PDE4B: variants seen among roughly 807,000 people sequenced by gnomAD.
PDE4B encodes 3',5'-cyclic-AMP phosphodiesterase 4B.
In PDE4B, 20 loss-of-function variants were observed where a neutral mutation model predicts 82.2. That is an observed-to-expected ratio of 0.24 (90% CI 0.17 to 0.35). The LOEUF (loss-of-function observed/expected upper bound fraction) is 0.35. Among genes scored for constraint, PDE4B ranks in the 10% least tolerant of loss-of-function variants. The pLI, the probability that PDE4B is intolerant of heterozygous loss-of-function variation, is 1.00. For synonymous variants in PDE4B, 320 were observed against 318.9 expected (o/e 1.00, Z -0.04); for missense variants, 655 against 907.2 (o/e 0.72, Z 3.57).
chr1:65,906,180 C>T (rs1387904288), intron 1 of PDE4B, among the ~76,000 whole-genome samples: 1 of 152,032 alleles, frequency 6.6e-6, no homozygotes, highest in African/African-American at 2.4e-5. Context: ...TGAGCAGATG[C>T]CCAGCAAATA....
chr1:65,883,540 T>C (rs1244498760), intron 1 of PDE4B, among the ~76,000 whole-genome samples: 8 of 152,270 alleles, frequency 5.3e-5, no homozygotes, highest in Middle Eastern at 3.4e-3. Flanking sequence ...TGCTTATCAA[T>C]TTAAGGAGAT....
intron 7 of PDE4B, among the ~76,000 whole-genome samples, chr1:66,310,759 T>C (rs1658611139): frequency 6.6e-6 from 1 of 152,056 alleles, no homozygotes; most frequent in Non-Finnish European, 1.5e-5. Flanking sequence ...TGGCTAAGAG[T>C]ATAAGACCTG....
At chr1:65,955,243 G>C (rs111603572) in intron 3 of PDE4B, among the ~76,000 whole-genome samples, 1 of 152,010 alleles carries the variant, frequency 6.6e-6, no homozygotes, top group African/African-American at 2.4e-5. Context: ...GCACAGTCCC[G>C]TAAACCTTCA....
rs1416191700 is a variant in PDE4B, at chr1:66,371,473, G to T, written c.1846-840G>T. 4.6e-5 allele frequency among the ~76,000 whole-genome samples: 7 copies of T among 152,130 alleles called. No individual in the cohort carries two copies. In the East Asian group the frequency reaches 1.3e-3, roughly 29 times the overall value. ...AAGGCCACACTGCTAGCTCATGCAG[G>T]ATGCATAGCCCCTGAGTAAACCATA... On this transcript the variant is annotated intron_variant, in intron 16 of 16. Transcript: ENST00000341517.
At chr1:66,349,079 T>C (rs1013705424) in intron 8 of PDE4B, among the ~76,000 whole-genome samples, 91 of 152,130 alleles carry the variant, frequency 6.0e-4, no homozygotes, top group African/African-American at 2.2e-3. Context: ...GGAAGAAATA[T>C]GTAATAATTT....
chr1:66,233,585 C>G (rs770377473), intron 3 of PDE4B, among the ~76,000 whole-genome samples: 8 of 152,124 alleles, frequency 5.3e-5, no homozygotes, highest in Non-Finnish European at 1.0e-4. Context: ...AACAGGCATT[C>G]GTACCTGGTT....
At chr1:66,202,791 C>CTCTT (rs1466520061) in intron 3 of PDE4B, among the ~76,000 whole-genome samples, 1 of 152,108 alleles carries the variant, frequency 6.6e-6, no homozygotes, top group East Asian at 1.9e-4. Context: ...TGGGTCTTGA[C>CTCTT]TCTTTATCCA....
chr1:66,107,400 A>T (rs1369118989), intron 3 of PDE4B, among the ~76,000 whole-genome samples: 1 of 151,808 alleles, frequency 6.6e-6, no homozygotes, highest in Non-Finnish European at 1.5e-5. Flanking sequence ...ATGTCAACCC[A>T]TTTTCCTGTA....
chr1:66,203,635 C>T (rs1377234662), intron 3 of PDE4B, among the ~76,000 whole-genome samples: 3 of 152,130 alleles, frequency 2.0e-5, no homozygotes, highest in African/African-American at 4.8e-5. Flanking sequence ...TCCAGTTGTT[C>T]GCATCGGCTC....
intron 3 of PDE4B, among the ~76,000 whole-genome samples, chr1:66,190,096 C>T (rs1647625828): frequency 6.6e-6 from 1 of 152,182 alleles, no homozygotes; most frequent in African/African-American, 2.4e-5. Context: ...TACTGGAGGT[C>T]CACTCCAGAC....
intron 1 of PDE4B, among the ~76,000 whole-genome samples, chr1:65,843,772 T>C (rs1449311275): frequency 2.0e-5 from 3 of 152,150 alleles, no homozygotes; most frequent in Non-Finnish European, 4.4e-5. Flanking sequence ...AGGATAAAGA[T>C]GTACTTTTAA....
intron 1 of PDE4B, among the ~76,000 whole-genome samples, chr1:65,828,435 A>G (rs917000766): frequency 3.3e-5 from 5 of 151,848 alleles, no homozygotes; most frequent in African/African-American, 1.2e-4. Flanking sequence ...TAGTAGAGAC[A>G]GGGTTTCACC....
intron 7 of PDE4B, among the ~76,000 whole-genome samples, chr1:66,307,607 AG>A (rs1658372780): frequency 6.6e-6 from 1 of 152,184 alleles, no homozygotes. Context: ...ATGACTGTGG[AG>A]AATCAGTAGA....
At chr1:66,273,811 G>C (rs1478683709) in intron 7 of PDE4B, among the ~76,000 whole-genome samples, 1 of 152,226 alleles carries the variant, frequency 6.6e-6, no homozygotes, top group Non-Finnish European at 1.5e-5. Flanking sequence ...GAAAGGAAGT[G>C]AGGCTCATGT....
intron 9 of PDE4B, among the ~76,000 whole-genome samples, chr1:66,356,233 G>A (rs1160433928): frequency 6.6e-6 from 1 of 152,182 alleles, no homozygotes; most frequent in African/African-American, 2.4e-5. Flanking sequence ...CCAATCTGAT[G>A]CTTTATCTAT....
chr1:66,220,243 G>T (rs1650863734), intron 3 of PDE4B, among the ~76,000 whole-genome samples: 1 of 152,138 alleles, frequency 6.6e-6, no homozygotes, highest in African/African-American at 2.4e-5. Flanking sequence ...AATGCTCTTT[G>T]ATCCCCTCTA....
At chr1:65,817,455 A>G (rs942738138) in intron 1 of PDE4B, among the ~76,000 whole-genome samples, 5 of 152,232 alleles carry the variant, frequency 3.3e-5, no homozygotes, top group African/African-American at 1.2e-4. Context: ...GTCAGTACAT[A>G]CATGGCTTGC....
chr1:66,320,219 C>G (rs1659302666), intron 7 of PDE4B, among the ~76,000 whole-genome samples: 1 of 152,090 alleles, frequency 6.6e-6, no homozygotes, highest in Non-Finnish European at 1.5e-5. Flanking sequence ...AGCCTCTGAA[C>G]TTTGCTTGTG....
intron 3 of PDE4B, among the ~76,000 whole-genome samples, chr1:65,942,846 A>C (rs1394373320): frequency 1.3e-5 from 2 of 151,686 alleles, no homozygotes; most frequent in African/African-American, 2.4e-5. Context: ...GTCTATTCAG[A>C]TCTTTTGTCC....
Sources: gnomAD v4.1 joint callset for allele counts (sites outside exome capture counted in the v4.1 genomes callset) on GRCh38, gnomAD v4.1.1 for gene constraint, MANE v1.5 for transcripts, NCBI Gene and HGNC (gene_info 2026-07-23, HGNC 2026-07-21) for gene names.